The following PLPBP variants were observed in gnomAD, a reference collection of about 807,000 sequenced individuals.
PLPBP encodes pyridoxal phosphate binding protein, also known as pyridoxal phosphate homeostasis protein.
In PLPBP, 21 loss-of-function variants were observed where a neutral mutation model predicts 31.2. That is an observed-to-expected ratio of 0.67 (90% CI 0.48 to 0.97). PLPBP has a LOEUF of 0.97. Ranked by LOEUF, PLPBP falls within the 50% of genes least tolerant of loss-of-function variation. PLPBP has a pLI of 0.00. For synonymous variants in PLPBP, 124 were observed against 135.6 expected (o/e 0.91, Z 0.59); for missense variants, 308 against 354.4 (o/e 0.87, Z 1.05).
rs150178220 is a variant in PLPBP, at chr8:37,774,629, T to C, written c.455-710T>C. 1.7e-3 allele frequency among the ~76,000 whole-genome samples: 256 copies of C among 152,366 alleles called. 2 individuals are homozygous for C. The highest frequency in any genetic ancestry group is 5.8e-3 in the African/African-American group (241 of 41,582). ...ACAGTAGAGGCATCTGTTTTCTAGA[T>C]AACGTCCTAGAGTCAGACTACCTGG... is the stretch of plus-strand genomic sequence containing the variant. On this transcript the variant is annotated intron_variant, in intron 5 of 7. Transcript: ENST00000328195.
At chr8:37,775,573 C>A in intron 6 of PLPBP, 92 bp downstream of exon 6, 1 of 1,537,662 alleles carries the variant, frequency 6.5e-7, no homozygotes, top group South Asian at 1.2e-5. Flanking sequence ...ATTGCAGAGT[C>A]ATCCCAGACA....
At chr8:37,766,573 C>T (rs978055471) in intron 4 of PLPBP, 6 of 1,175,228 alleles carry the variant, frequency 5.1e-6, no homozygotes, top group Non-Finnish European at 6.3e-6. Context: ...TGGAAACCTA[C>T]CCAACCTCAT....
chr8:37,764,465 A>T (rs1213771536), intron 1 of PLPBP, among the ~76,000 whole-genome samples: 1 of 151,872 alleles, frequency 6.6e-6, no homozygotes, highest in Non-Finnish European at 1.5e-5. Context: ...CGGATTACAG[A>T]TGCCCACCAC....
intron 4 of PLPBP, among the ~76,000 whole-genome samples, chr8:37,768,778 G>A (rs58668745): frequency 1.2e-3 from 180 of 152,126 alleles, no homozygotes; most frequent in Middle Eastern, 6.8e-3. Context: ...CGGCGGTTTT[G>A]ATTTTCATTA....
intron 4 of PLPBP, among the ~76,000 whole-genome samples, chr8:37,768,044 A>T (rs974746138): frequency 2.6e-5 from 4 of 151,886 alleles, no homozygotes; most frequent in African/African-American, 9.7e-5. Context: ...TGACCTTGTG[A>T]TCCACCCGCC....
In PLPBP at chr8:37,778,282, C is replaced by T. The variant is rs1803971935; in HGVS notation, c.*178C>T. 1 of 631,122 alleles carries T rather than the reference C, an allele frequency of 1.6e-6. No homozygotes were observed. The highest frequency in any genetic ancestry group is 5.0e-4 in the Middle Eastern group (1 of 1,998). The allele number at this position is 631,122 out of a possible 1,614,324, so 39.1% of individuals were successfully genotyped here. On this transcript the variant is annotated 3_prime_UTR_variant, in exon 8 of 8. Transcript: ENST00000328195. ...ATAGGAAGCTTGCTTCAGGCAATGG[C>T]TTTGGATTGAGTTTGAGAAATTCAA... is the stretch of plus-strand genomic sequence containing the variant.
In PLPBP at chr8:37,762,739, C is replaced by G; in HGVS notation, c.80C>G (p.Ala27Gly). ...GCGGTGAACGAGCGCGTGCAGCAGG[C>G]TGTGGCGCGGCGGCCGCGGGTGAGG... ...LRAVNERVQQ[A>G]VARRPRDLPA... Residue 27 changes from alanine to glycine, a missense_variant, in exon 1 of 8, where the codon GCT becomes GGT. Ala to Gly is a moderately conservative substitution (Grantham distance 60, BLOSUM62 0). This residue lies in a region of PLPBP where 120 missense variants were observed against 95.1 expected (regional missense o/e 1.26). Transcript: ENST00000328195. 1 of 1,577,808 alleles carries G rather than the reference C, an allele frequency of 6.3e-7. No individual in the cohort carries two copies. The highest frequency in any genetic ancestry group is 8.6e-7 in the Non-Finnish European group (1 of 1,168,108).
At chr8:37,775,307 A>T (rs756316606) in intron 5 of PLPBP, 32 bp from the exon 6 acceptor site, 1 of 1,613,420 alleles carries the variant, frequency 6.2e-7, no homozygotes, top group Non-Finnish European at 8.5e-7. Context: ...TTACCCTTGC[A>T]GTATACCTGT....
chr8:37,771,494 C>T (rs1382894075), intron 4 of PLPBP, among the ~76,000 whole-genome samples: 1 of 152,018 alleles, frequency 6.6e-6, no homozygotes, highest in African/African-American at 2.4e-5. Context: ...CTGTGTTGGA[C>T]AGGCTGGTCT....
intron 6 of PLPBP, 89 bp downstream of exon 6, chr8:37,775,570 A>T (rs1585940301): frequency 1.3e-6 from 2 of 1,547,884 alleles, no homozygotes; most frequent in East Asian, 4.5e-5. Context: ...GGGATTGCAG[A>T]GTCATCCCAG....
At chr8:37,773,450 G>T (rs950433353) in intron 5 of PLPBP, among the ~76,000 whole-genome samples, 1 of 146,930 alleles carries the variant, frequency 6.8e-6, no homozygotes, top group Non-Finnish European at 1.5e-5. Flanking sequence ...GATTACAGGC[G>T]TGAGCCACCA....
intron 4 of PLPBP, among the ~76,000 whole-genome samples, chr8:37,768,914 A>G (rs1803705823): frequency 6.6e-6 from 1 of 152,186 alleles, no homozygotes; most frequent in South Asian, 2.1e-4. Context: ...ATTGAGTTGT[A>G]AATTCCAGCT....
chr8:37,766,045 G>A (rs1033940183), intron 3 of PLPBP, among the ~76,000 whole-genome samples: 1 of 152,088 alleles, frequency 6.6e-6, no homozygotes, highest in African/African-American at 2.4e-5. Flanking sequence ...TCCTAGATGG[G>A]CAATATCTGA....
rs550694117 is a variant in PLPBP at position 37,763,432 on chromosome 8, G to A, written c.99+674G>A. Among the ~76,000 whole-genome samples, 4 of 152,342 alleles carry A rather than the reference G, an allele frequency of 2.6e-5. No individual in the cohort carries two copies. The East Asian group carries it at 5.8e-4, about 22-fold the overall frequency. On this transcript the variant is annotated intron_variant, in intron 1 of 7. Coordinates refer to ENST00000328195, the MANE Select transcript of PLPBP (RefSeq NM_007198.4). Reference sequence around the variant, plus strand: ...GTGGAATGAGACGGACCTTAACAGAGAGGTCACAGGTTTCTCTGATCGAGC... The same window carrying A: ...GTGGAATGAGACGGACCTTAACAGAAAGGTCACAGGTTTCTCTGATCGAGC...
chr8:37,770,437 T>G (rs138582384), intron 4 of PLPBP, among the ~76,000 whole-genome samples: 78 of 152,298 alleles, frequency 5.1e-4, no homozygotes, highest in African/African-American at 1.8e-3. Flanking sequence ...TGCAGAAGAA[T>G]AAAACTAGAC....
At chr8:37,777,827 T>G (rs1585942884) in intron 7 of PLPBP, 146 bp from the exon 8 acceptor site, 1 of 853,090 alleles carries the variant, frequency 1.2e-6, no homozygotes, top group East Asian at 3.5e-5. Context: ...CACCTCGGCC[T>G]CCCAAAATGC....
chr8:37,765,500 T>G, intron 1 of PLPBP, 26 bp from the exon 2 acceptor site: 1 of 1,600,650 alleles, frequency 6.2e-7, no homozygotes, highest in Non-Finnish European at 8.6e-7. Context: ...AAACATTCAC[T>G]CATATGGCTC....
chr8:37,772,281 C>T (rs565534625), intron 4 of PLPBP, among the ~76,000 whole-genome samples: 36 of 152,156 alleles, frequency 2.4e-4, no homozygotes, highest in Non-Finnish European at 4.7e-4. Context: ...TGTGAGCCAC[C>T]ACACCTGGCC....
At chr8:37,770,713 G>A (rs1429396458) in intron 4 of PLPBP, among the ~76,000 whole-genome samples, 1 of 152,018 alleles carries the variant, frequency 6.6e-6, no homozygotes, top group Admixed American at 6.6e-5. Flanking sequence ...AAGTAGCTGG[G>A]ATTACAGGCA....
Sources: gnomAD v4.1 joint callset for allele counts (sites outside exome capture counted in the v4.1 genomes callset) on GRCh38, gnomAD v4.1.1 for gene constraint, gnomAD v4.1.1 regional missense constraint, MANE v1.5 for transcripts, NCBI Gene and HGNC (gene_info 2026-07-23, HGNC 2026-07-21) for gene names.